PLAC8L1: variants seen among roughly 807,000 people sequenced by gnomAD.
PLAC8L1 encodes the protein PLAC8-like protein 1.
A neutral mutation model predicts 16.3 loss-of-function variants in PLAC8L1; 13 were observed. The ratio of observed to expected loss-of-function variants is 0.80; its 90% CI spans 0.52 to 1.27. The LOEUF is 1.27. PLAC8L1 is among the 50% of genes most tolerant of loss of function. The pLI is 0.00. For missense variants in PLAC8L1, 184 were observed against 220.2 expected (o/e 0.84, Z 1.04); for synonymous variants, 78 against 79.3 (o/e 0.98, Z 0.09).
At chr5:146,091,327 C>T (rs1763615055) in intron 2 of PLAC8L1, among the ~76,000 whole-genome samples, 1 of 152,124 alleles carries the variant, frequency 6.6e-6, no homozygotes, top group South Asian at 2.1e-4. Context: ...TGTATATTAA[C>T]AGGCTGAAGT....
intron 2 of PLAC8L1, among the ~76,000 whole-genome samples, chr5:146,091,324 T>A (rs1422928472): frequency 6.6e-6 from 1 of 152,124 alleles, no homozygotes; most frequent in Non-Finnish European, 1.5e-5. Flanking sequence ...GAATGTATAT[T>A]AACAGGCTGA....
intron 3 of PLAC8L1, among the ~76,000 whole-genome samples, chr5:146,084,905 C>A (rs2024055): frequency 0.22 from 34,002 of 152,088 alleles, 4,866 homozygotes; most frequent in Admixed American, 0.34. Flanking sequence ...GTGAACATGG[C>A]CTAAAATTTC....
intron 2 of PLAC8L1, among the ~76,000 whole-genome samples, chr5:146,089,740 C>CTTT (rs35287551): frequency 4.0e-4 from 55 of 136,176 alleles, no homozygotes; most frequent in African/African-American, 1.2e-3. Context: ...ACTTCTTCTT[C>CTTT]TTTTTTTTTT....
At chr5:146,095,509 T>C (rs1470971081) in intron 2 of PLAC8L1, among the ~76,000 whole-genome samples, 1 of 152,202 alleles carries the variant, frequency 6.6e-6, no homozygotes, top group Non-Finnish European at 1.5e-5. Context: ...TAGAAATCAT[T>C]CTGCAGAATC....
intron 1 of PLAC8L1, among the ~76,000 whole-genome samples, chr5:146,101,942 T>C (rs1162908309): frequency 2.0e-5 from 3 of 152,176 alleles, no homozygotes; most frequent in Non-Finnish European, 4.4e-5. Context: ...CCTTTTATTA[T>C]AGCAAGGAAT....
At chr5:146,096,551 G>C (rs1395336040) in intron 2 of PLAC8L1, among the ~76,000 whole-genome samples, 7 of 152,194 alleles carry the variant, frequency 4.6e-5, no homozygotes, top group Admixed American at 2.6e-4. Context: ...CAAAGGACTT[G>C]TTCAACGTTA....
intron 2 of PLAC8L1, among the ~76,000 whole-genome samples, chr5:146,087,464 T>C (rs1407231777): frequency 6.6e-6 from 1 of 152,252 alleles, no homozygotes; most frequent in Non-Finnish European, 1.5e-5. Context: ...AAAGTATTTG[T>C]ACCATTTTAA....
rs1763506067 is a variant in PLAC8L1 at position 146,086,018 on chromosome 5, A to C, written c.257-421T>G. On this transcript the variant is annotated intron_variant, in intron 2 of 3. Transcript: ENST00000311450. ...ACATCTATTTCTATAAGTGTAATTGAAAGGTCTTTTTTTTTTTTTTTTTTT... is the reference window on the plus strand; with the variant it reads ...ACATCTATTTCTATAAGTGTAATTGCAAGGTCTTTTTTTTTTTTTTTTTTT... Among the ~76,000 whole-genome samples the C allele has an allele frequency of 2.2e-5, 3 of 137,520 alleles. No individual in the cohort carries two copies. The South Asian group carries it at 6.6e-4, about 30-fold the overall frequency. 90.2% of individuals were successfully genotyped at this position (137,520 alleles called of 152,430 possible). A position where few individuals can be genotyped will look rare whatever the true frequency, so the allele number is the denominator to read the frequency against.
At chr5:146,098,364 G>C in intron 1 of PLAC8L1, 72 bp from the exon 2 acceptor site, 1 of 1,496,058 alleles carries the variant, frequency 6.7e-7, no homozygotes, top group Non-Finnish European at 9.1e-7. Context: ...AGCCAAGTCA[G>C]AACCATAAAG....
At position 146,104,462 on chromosome 5, in the gene PLAC8L1, C is replaced by A; in HGVS notation, c.-151G>T. ...CCTGAGGTCATAGCAGTGTAACTAA[C>A]AGACATCTTTTTTCTTTAAAAACAG... On this transcript the variant is annotated 5_prime_UTR_variant, in exon 1 of 4. Transcript: ENST00000311450. The A allele has an allele frequency of 3.0e-6, 2 of 658,748 alleles. No homozygotes were observed. Among genetic ancestry groups the A allele is most frequent in the Non-Finnish European group, 5.4e-6 (2 of 369,130 alleles). The allele number at this position is 658,748 out of a possible 1,614,324, so 40.8% of individuals were successfully genotyped here.
chr5:146,095,622 T>A (rs957529585), intron 2 of PLAC8L1, among the ~76,000 whole-genome samples: 1 of 152,226 alleles, frequency 6.6e-6, no homozygotes, highest in Admixed American at 6.5e-5. Context: ...ACTAAGTGCA[T>A]TGTAATGATA....
At chr5:146,093,669 A>G (rs1763661801) in intron 2 of PLAC8L1, among the ~76,000 whole-genome samples, 1 of 152,206 alleles carries the variant, frequency 6.6e-6, no homozygotes, top group Non-Finnish European at 1.5e-5. Context: ...TGGGCGTCAG[A>G]GCATTGAACA....
chr5:146,085,337 C>A, intron 3 of PLAC8L1, 124 bp downstream of exon 3: 1 of 1,039,760 alleles, frequency 9.6e-7, no homozygotes, highest in Non-Finnish European at 1.4e-6. Flanking sequence ...TCAAAGTTTC[C>A]CACTAAGCAT....
At chr5:146,085,399 T>C (rs2150032779) in intron 3 of PLAC8L1, 62 bp downstream of exon 3, 1 of 1,528,256 alleles carries the variant, frequency 6.5e-7, no homozygotes, top group Non-Finnish European at 8.9e-7. Context: ...AAATCACAGG[T>C]TTGGAAGGCA....
At chr5:146,102,981 C>G (rs550519653) in intron 1 of PLAC8L1, among the ~76,000 whole-genome samples, 1 of 152,236 alleles carries the variant, frequency 6.6e-6, no homozygotes, top group Admixed American at 6.5e-5. Flanking sequence ...ATACTTTTCT[C>G]AGAAACAAAG....
intron 2 of PLAC8L1, among the ~76,000 whole-genome samples, chr5:146,090,881 C>A (rs912065586): frequency 6.6e-6 from 1 of 151,986 alleles, no homozygotes; most frequent in Admixed American, 6.6e-5. Flanking sequence ...GGTGAAATCC[C>A]GTCTCTGCTA....
rs919077972 is a variant in PLAC8L1, at chr5:146,105,415, C to T, written c.-1104G>A. On this transcript the variant is annotated 5_prime_UTR_variant, in exon 1 of 4. An upstream start codon of the reference 5' UTR is lost. Coordinates refer to ENST00000311450, the MANE Select transcript of PLAC8L1 (RefSeq NM_001029869.3). The stretch of plus-strand genomic sequence containing the variant: ...TTCTTAACAGTAAGGATGTACCCTA[C>T]ATTAAGGACAGGTATGTTTTTTCTG... Among the ~76,000 whole-genome samples the T allele has an allele frequency of 6.6e-6, 1 of 151,960 alleles. No individual in the cohort carries two copies. The highest frequency in any genetic ancestry group is 2.4e-5 in the African/African-American group (1 of 41,370).
chr5:146,097,046 C>T (rs1646235014), intron 2 of PLAC8L1, among the ~76,000 whole-genome samples: 1 of 152,138 alleles, frequency 6.6e-6, no homozygotes, highest in South Asian at 2.1e-4. Flanking sequence ...ATATTTTACC[C>T]AGGGTCTGTT....
chr5:146,100,693 T>A (rs6893477), intron 1 of PLAC8L1, among the ~76,000 whole-genome samples: 5,281 of 151,880 alleles, frequency 0.035, 314 homozygotes, highest in African/African-American at 0.12. Flanking sequence ...TACAGAAAAA[T>A]ATATATATAT....
Sources: allele counts gnomAD v4.1 joint callset (sites outside exome capture counted in the v4.1 genomes callset), GRCh38; gene constraint gnomAD v4.1.1; transcripts MANE v1.5; gene names NCBI Gene and HGNC (gene_info 2026-07-23, HGNC 2026-07-21).